FARP2: variants seen among roughly 807,000 people sequenced by gnomAD.
The protein encoded by FARP2 is FERM, ARH/RhoGEF and pleckstrin domain protein 2, also known as FERM, ARHGEF and pleckstrin domain-containing protein 2.
FARP2 carries 111 observed loss-of-function variants against 130.5 expected under a neutral mutation model. The observed-to-expected ratio is 0.85, with a 90% CI of 0.73 to 1.00. The LOEUF (loss-of-function observed/expected upper bound fraction) is 1.00, where lower values mean the gene tolerates loss of function less well. Ranked by LOEUF, FARP2 falls within the 50% of genes least tolerant of loss-of-function variation. The pLI is 0.00. For missense variants in FARP2, 1,385 were observed against 1,346.3 expected, an observed-to-expected ratio of 1.03 and a Z score of -0.45; for synonymous variants, 504 against 516.9, an observed-to-expected ratio of 0.98 and a Z score of 0.34.
chr2:241,431,256 C>T (rs2063083135), intron 8 of FARP2, among the ~76,000 whole-genome samples: 1 of 152,034 alleles, frequency 6.6e-6, no homozygotes, highest in African/African-American at 2.4e-5. Flanking sequence ...CCAGATGTGC[C>T]TCGAGTTTGA....
At chr2:241,373,367 T>C (rs2061464930) in intron 2 of FARP2, 77 bp downstream of exon 2, 5 of 1,061,480 alleles carry the variant, frequency 4.7e-6, no homozygotes, top group Non-Finnish European at 6.2e-6. Context: ...TCCATTTTGC[T>C]GGTTAGACTT....
chr2:241,359,659 C>T (rs2061140573), intron 1 of FARP2, among the ~76,000 whole-genome samples: 1 of 152,220 alleles, frequency 6.6e-6, no homozygotes, highest in South Asian at 2.1e-4. Flanking sequence ...TTTCTTTCTG[C>T]TCTCTCTGTG....
chr2:241,386,385 C>T lies in FARP2; in HGVS notation c.183+13095C>T, dbSNP rs554634693. On this transcript the variant is annotated intron_variant, in intron 2 of 26. Coordinates refer to ENST00000264042, the MANE Select transcript of FARP2 (RefSeq NM_014808.4). ...AGTAGCTGGGATTACAGGCGCGAGT[C>T]ATTGCTCCCCGCTCAGCAGTGGATT... 2.6e-5 allele frequency among the ~76,000 whole-genome samples: 4 copies of T among 152,310 alleles called. No homozygotes were observed. In the South Asian group the frequency reaches 8.3e-4, roughly 32 times the overall value.
intron 25 of FARP2, 46 bp from the exon 26 acceptor site, chr2:241,493,247 G>A (rs2064995850): frequency 6.2e-7 from 1 of 1,601,930 alleles, no homozygotes; most frequent in South Asian, 1.1e-5. Context: ...GGCATTCCCT[G>A]TGGCAACCCA....
At chr2:241,398,980 ATAC>A (rs139382035) in intron 2 of FARP2, among the ~76,000 whole-genome samples, 3,393 of 152,296 alleles carry the variant, frequency 0.022, 49 homozygotes, top group Non-Finnish European at 0.04. Context: ...CCTTTAGTAG[ATAC>A]TGTCAGTTTT....
In FARP2 at chr2:241,379,449, C is replaced by G. The variant is rs74426077; in HGVS notation, c.183+6159C>G. On this transcript the variant is annotated intron_variant, in intron 2 of 26. Transcript: ENST00000264042. ...TGTTCATCTACTTTCTCACGTTCCC[C>G]TTTTCTTTAACATACTCACAGTTGT... is the stretch of plus-strand genomic sequence containing the variant. 2.9e-3 allele frequency among the ~76,000 whole-genome samples: 446 copies of G among 152,284 alleles called. 2 individuals are homozygous for G. Among genetic ancestry groups the G allele is most frequent in the African/African-American group, 0.01 (424 of 41,542 alleles).
At chr2:241,481,050 C>T (rs1213613873) in intron 19 of FARP2, among the ~76,000 whole-genome samples, 3 of 103,202 alleles carry the variant, frequency 2.9e-5, no homozygotes, top group African/African-American at 1.2e-4. Flanking sequence ...GATACCTTGT[C>T]TCTACCAAAA....
At chr2:241,448,553 G>A (rs932879826) in intron 13 of FARP2, among the ~76,000 whole-genome samples, 52 of 152,322 alleles carry the variant, frequency 3.4e-4, no homozygotes, top group African/African-American at 1.2e-3. Flanking sequence ...TGGACACAAT[G>A]TATTAGAACA....
At chr2:241,396,207 G>T (rs1197251161) in intron 2 of FARP2, among the ~76,000 whole-genome samples, 1 of 151,896 alleles carries the variant, frequency 6.6e-6, no homozygotes, top group Non-Finnish European at 1.5e-5. Flanking sequence ...AGACTTAAAC[G>T]TTAGACCTAA....
intron 2 of FARP2, among the ~76,000 whole-genome samples, chr2:241,403,399 A>T (rs1284921352): frequency 6.6e-6 from 1 of 152,104 alleles, no homozygotes; most frequent in Non-Finnish European, 1.5e-5. Context: ...ATTTGGGTAG[A>T]GGTGAGGTGT....
intron 2 of FARP2, among the ~76,000 whole-genome samples, chr2:241,378,635 C>G (rs1346723282): frequency 6.6e-6 from 1 of 151,962 alleles, no homozygotes; most frequent in Non-Finnish European, 1.5e-5. Flanking sequence ...GTCTCAAACT[C>G]TTGGTCTCTA....
intron 12 of FARP2, among the ~76,000 whole-genome samples, chr2:241,439,985 C>CT: frequency 6.6e-6 from 1 of 152,038 alleles, no homozygotes; most frequent in Admixed American, 6.6e-5. Context: ...TAAATAAAAC[C>CT]TTTACGCTTT....
Position 241,463,338 on chromosome 2 carries a change from T to G in FARP2, c.1681T>G (p.Phe561Val). The change falls in exon 16 of 27, where the codon TTC (phenylalanine) becomes GTC (valine). Residue 561 changes from phenylalanine (F) to valine (V), a missense_variant. By Grantham distance (50) the Phe-to-Val change is conservative. Coordinates refer to ENST00000264042, the MANE Select transcript of FARP2 (RefSeq NM_014808.4). Reference sequence around the variant, plus strand: ...TCACACCACACTCTTCCCACAGTGGTTCCGCAGCGCAGTGGTGAAGGAGGA... The same window carrying G: ...TCACACCACACTCTTCCCACAGTGGGTCCGCAGCGCAGTGGTGAAGGAGGA... Reference protein sequence around the residue: ...LKDLEVITVWFRSAVVKEDAM... With the variant: ...LKDLEVITVWVRSAVVKEDAM... The G allele has an allele frequency of 3.1e-6, 5 of 1,613,860 alleles. No homozygotes were observed. The highest frequency in any genetic ancestry group is 4.2e-6 in the Non-Finnish European group (5 of 1,179,860).
At chr2:241,437,703 C>T (rs1398394786) in intron 12 of FARP2, among the ~76,000 whole-genome samples, 14 of 141,592 alleles carry the variant, frequency 9.9e-5, no homozygotes, top group African/African-American at 2.8e-4. Flanking sequence ...CTTGCTCTGT[C>T]GCCCAGGCTG....
At position 241,483,534 on chromosome 2, in the gene FARP2, G is replaced by A. The variant is rs1301800066; in HGVS notation, c.2331+1G>A. 5 of 1,613,754 alleles carry A rather than the reference G, an allele frequency of 3.1e-6. No homozygotes were observed. Among genetic ancestry groups the A allele is most frequent in the Middle Eastern group, 1.6e-4 (1 of 6,084 alleles). On this transcript the variant is annotated splice_donor_variant, in intron 20 of 26. Transcript: ENST00000264042. LOFTEE classifies it high-confidence loss of function. ...CCTGCAGCAGAGGATGTTTTTTCTG[G>A]TAGGTTCTCTCCCCACTCAAGCTGT... is the stretch of plus-strand genomic sequence containing the variant.
At chr2:241,442,683 G>A (rs2063418230) in intron 13 of FARP2, 3 of 337,202 alleles carry the variant, frequency 8.9e-6, no homozygotes, top group Non-Finnish European at 1.7e-5. Context: ...ATACTTTTTT[G>A]AATGTCAAAA....
At chr2:241,434,822 C>T in intron 10 of FARP2, 140 bp from the exon 11 acceptor site, 3 of 615,204 alleles carry the variant, frequency 4.9e-6, no homozygotes, top group South Asian at 2.0e-5. Flanking sequence ...GGCAATAGAG[C>T]GAGACTCAGT....
chr2:241,365,917 A>G (rs2061292757), intron 1 of FARP2, among the ~76,000 whole-genome samples: 1 of 148,186 alleles, frequency 6.7e-6, no homozygotes, highest in Non-Finnish European at 1.5e-5. Flanking sequence ...AACATTGTTT[A>G]CCCCTTTCAC....
chr2:241,484,003 C>T, intron 20 of FARP2: 1 of 1,334,632 alleles, frequency 7.5e-7, no homozygotes, highest in Non-Finnish European at 9.6e-7. Flanking sequence ...TTACTGCCTC[C>T]AGCTTCTCAG....
Sources: allele counts gnomAD v4.1 joint callset (sites outside exome capture counted in the v4.1 genomes callset), GRCh38; gene constraint gnomAD v4.1.1; transcripts MANE v1.5; gene names NCBI Gene and HGNC (gene_info 2026-07-23, HGNC 2026-07-21).